SLC10A7: variants seen among roughly 807,000 people sequenced by gnomAD.
The protein encoded by SLC10A7 is solute carrier family 10 member 7, also known as sodium/bile acid cotransporter 7.
Under a neutral mutation model 43.2 loss-of-function variants are expected in SLC10A7, and 29 were observed. That is an observed-to-expected ratio of 0.67 (90% CI 0.50 to 0.92). SLC10A7 has a LOEUF of 0.92. SLC10A7 is among the 40% of genes least tolerant of loss of function. The probability of loss-of-function intolerance (pLI) is 0.00; values close to 1 mark genes in which losing one functional copy is unlikely to be tolerated. For missense variants in SLC10A7, 295 were observed against 403.2 expected, an observed-to-expected ratio of 0.73 and a Z score of 2.30; for synonymous variants, 152 against 144.8, an observed-to-expected ratio of 1.05 and a Z score of -0.35.
At chr4:146,466,576 G>A (rs1733058039) in intron 4 of SLC10A7, among the ~76,000 whole-genome samples, 1 of 152,092 alleles carries the variant, frequency 6.6e-6, no homozygotes, top group African/African-American at 2.4e-5. Flanking sequence ...TCTGACCCAG[G>A]AAGTTATAAT....
intron 5 of SLC10A7, among the ~76,000 whole-genome samples, chr4:146,331,126 T>C (rs1331953233): frequency 6.6e-6 from 1 of 152,152 alleles, no homozygotes; most frequent in African/African-American, 2.4e-5. Flanking sequence ...CCACTGTTCC[T>C]CTTAGGGCAG....
At chr4:146,517,010 T>G in intron 2 of SLC10A7, 28 bp downstream of exon 2, 1 of 1,520,996 alleles carries the variant, frequency 6.6e-7, no homozygotes. Flanking sequence ...TTCTCCCTGC[T>G]TTTCATGTGT....
At chr4:146,461,171 A>T (rs1402673831) in intron 4 of SLC10A7, among the ~76,000 whole-genome samples, 1 of 152,062 alleles carries the variant, frequency 6.6e-6, no homozygotes, top group South Asian at 2.1e-4. Context: ...AAAGATGGTA[A>T]GGATTTCATA....
chr4:146,495,013 T>TA (rs1331714474), intron 4 of SLC10A7, among the ~76,000 whole-genome samples: 2 of 152,162 alleles, frequency 1.3e-5, no homozygotes, highest in Non-Finnish European at 2.9e-5. Context: ...AGACTGAAGC[T>TA]AAAAGGTAGA....
chr4:146,412,734 T>C (rs900662752), intron 5 of SLC10A7, among the ~76,000 whole-genome samples: 5 of 152,132 alleles, frequency 3.3e-5, no homozygotes, highest in African/African-American at 1.2e-4. Context: ...AAAATTATCT[T>C]AGAACAGGAG....
intron 5 of SLC10A7, among the ~76,000 whole-genome samples, chr4:146,356,068 A>T (rs915652734): frequency 6.8e-6 from 1 of 147,978 alleles, no homozygotes; most frequent in South Asian, 2.1e-4. Flanking sequence ...ATATATATAT[A>T]CATATATATA....
chr4:146,446,373 T>C (rs1216231517), intron 4 of SLC10A7, among the ~76,000 whole-genome samples: 1 of 151,968 alleles, frequency 6.6e-6, no homozygotes, highest in African/African-American at 2.4e-5. Flanking sequence ...GGTCAGGAGT[T>C]TGAAACCAGC....
At chr4:146,305,891 A>G in intron 7 of SLC10A7, 35 bp downstream of exon 7, 1 of 1,522,906 alleles carries the variant, frequency 6.6e-7, no homozygotes, top group East Asian at 2.3e-5. Flanking sequence ...AATTTGATCC[A>G]TAAAGAAAAG....
intron 4 of SLC10A7, among the ~76,000 whole-genome samples, chr4:146,496,171 A>T (rs1735881783): frequency 6.6e-6 from 1 of 152,216 alleles, no homozygotes; most frequent in Non-Finnish European, 1.5e-5. Flanking sequence ...AGGCAAAATT[A>T]TTCCACTACG....
rs187091247 is a variant in SLC10A7, at chr4:146,301,721, G to A, written c.555+4205C>T. ...GAAGTGACTGCCTGGATGTAAAGGA[G>A]TATGGCTGTAAGGAGAGGGAGGAGG... On this transcript the variant is annotated intron_variant, in intron 7 of 11. Coordinates refer to ENST00000335472, the MANE Select transcript of SLC10A7 (RefSeq NM_001029998.6). 1.2e-4 allele frequency among the ~76,000 whole-genome samples: 18 copies of A among 152,270 alleles called. No individual in the cohort carries two copies. The East Asian group carries it at 2.7e-3, about 23-fold the overall frequency.
chr4:146,416,519 T>G (rs141996801), intron 5 of SLC10A7, among the ~76,000 whole-genome samples: 130 of 152,284 alleles, frequency 8.5e-4, no homozygotes, highest in Middle Eastern at 3.4e-3. Context: ...GCCCTTGCTC[T>G]CCAAGAACTT....
chr4:146,337,621 G>A (rs1733980812), intron 5 of SLC10A7, among the ~76,000 whole-genome samples: 2 of 151,948 alleles, frequency 1.3e-5, no homozygotes, highest in Admixed American at 1.3e-4. Context: ...ACTAGGAACT[G>A]TGCTAAGTAC....
At chr4:146,520,836 T>TG (rs200099263) in intron 1 of SLC10A7, among the ~76,000 whole-genome samples, 259 of 151,706 alleles carry the variant, frequency 1.7e-3, no homozygotes, top group Middle Eastern at 3.4e-3. Context: ...CTAAAGGTGT[T>TG]GGGGGGGGCA....
chr4:146,438,980 G>A (rs1055878284), intron 5 of SLC10A7, among the ~76,000 whole-genome samples: 1 of 151,874 alleles, frequency 6.6e-6, no homozygotes, highest in African/African-American at 2.4e-5. Context: ...CAGGGTGCTC[G>A]ACTATCAAAT....
chr4:146,416,986 T>C (rs1728617152), intron 5 of SLC10A7, among the ~76,000 whole-genome samples: 1 of 152,186 alleles, frequency 6.6e-6, no homozygotes, highest in South Asian at 2.1e-4. Flanking sequence ...TTCAATAAAA[T>C]GCAACCCCTC....
intron 4 of SLC10A7, among the ~76,000 whole-genome samples, chr4:146,483,106 A>C (rs1734628145): frequency 6.6e-6 from 1 of 152,234 alleles, no homozygotes; most frequent in Admixed American, 6.5e-5. Context: ...CCTTACGTGG[A>C]AATGAAAGGA....
At chr4:146,337,890 A>G (rs1724500122) in intron 5 of SLC10A7, among the ~76,000 whole-genome samples, 1 of 151,930 alleles carries the variant, frequency 6.6e-6, no homozygotes, top group Admixed American at 6.6e-5. Context: ...TTAATGTAAA[A>G]TATATAATAT....
intron 10 of SLC10A7, among the ~76,000 whole-genome samples, chr4:146,282,416 T>C (rs1020987865): frequency 2.6e-5 from 4 of 152,324 alleles, no homozygotes; most frequent in Admixed American, 2.0e-4. Context: ...TTCTCTTAAG[T>C]GACTCATGTG....
intron 5 of SLC10A7, among the ~76,000 whole-genome samples, chr4:146,346,743 T>TA (rs1443823918): frequency 6.6e-6 from 1 of 152,168 alleles, no homozygotes; most frequent in Non-Finnish European, 1.5e-5. Flanking sequence ...TATATCACAA[T>TA]ATGAAAAACA....
Sources: gnomAD v4.1 joint callset for allele counts (sites outside exome capture counted in the v4.1 genomes callset) on GRCh38, gnomAD v4.1.1 for gene constraint, MANE v1.5 for transcripts, NCBI Gene and HGNC (gene_info 2026-07-23, HGNC 2026-07-21) for gene names.